Variants in PLXDC2 observed in about 807,000 individuals in gnomAD.
PLXDC2 encodes plexin domain-containing protein 2.
PLXDC2 carries 40 observed loss-of-function variants against 68.9 expected under a neutral mutation model. The ratio of observed to expected loss-of-function variants is 0.58; its 90% CI spans 0.45 to 0.76. The LOEUF (loss-of-function observed/expected upper bound fraction) is 0.76. PLXDC2 is among the 30% of genes least tolerant of loss of function. The pLI is 0.00. For missense variants in PLXDC2, 644 were observed against 661.9 expected (o/e 0.97, Z 0.30); for synonymous variants, 243 against 234.2 (o/e 1.04, Z -0.34).
intron 3 of PLXDC2, among the ~76,000 whole-genome samples, chr10:20,055,501 G>A (rs982561436): frequency 9.9e-5 from 15 of 151,974 alleles, no homozygotes; most frequent in African/African-American, 3.4e-4. Flanking sequence ...TTCTCTATTA[G>A]GCTATTATCT....
At chr10:19,974,107 C>T (rs72789634) in intron 1 of PLXDC2, among the ~76,000 whole-genome samples, 1 of 152,156 alleles carries the variant, frequency 6.6e-6, no homozygotes, top group African/African-American at 2.4e-5. Context: ...TGGAAAGCAA[C>T]TTTGATAGAG....
At position 20,245,502 on chromosome 10, in the gene PLXDC2, T is replaced by C. The variant is rs1305729310; in HGVS notation, c.1470T>C (p.Ile490=). 6.2e-7 allele frequency: 1 copy of C among 1,610,986 alleles called. No individual in the cohort carries two copies. Among genetic ancestry groups the C allele is most frequent in the Non-Finnish European group, 8.5e-7 (1 of 1,179,286 alleles). ...HPTSAASIFF[I]ERRPSRWPAM... is the part of the protein sequence containing the mutation. ...CATCAGCAGCCAGCATCTTCTTTAT[T>C]GAGGTAAGTGTTGAGTTTAACACAT... Residue 490 remains isoleucine, a synonymous_variant, in exon 13 of 14, where the codon ATT becomes ATC. Coordinates refer to ENST00000377252, the MANE Select transcript of PLXDC2 (RefSeq NM_032812.9).
intron 1 of PLXDC2, among the ~76,000 whole-genome samples, chr10:19,893,142 G>A (rs887813528): frequency 2.0e-5 from 3 of 152,068 alleles, no homozygotes; most frequent in African/African-American, 2.4e-5. Flanking sequence ...GTTGGGGGAC[G>A]CCTAGGTGTG....
intron 1 of PLXDC2, among the ~76,000 whole-genome samples, chr10:19,848,492 G>A (rs796832574): frequency 7.2e-5 from 11 of 152,224 alleles, no homozygotes; most frequent in African/African-American, 2.4e-4. Context: ...TGAATCTTAA[G>A]GATGTTTGTA....
chr10:20,194,621 T>G (rs1834813022), intron 9 of PLXDC2, among the ~76,000 whole-genome samples: 1 of 151,914 alleles, frequency 6.6e-6, no homozygotes, highest in African/African-American at 2.4e-5. Context: ...AATATCTTTT[T>G]TGAGGTAAAT....
intron 1 of PLXDC2, among the ~76,000 whole-genome samples, chr10:19,863,900 G>A (rs911057771): frequency 1.3e-5 from 2 of 152,100 alleles, no homozygotes; most frequent in East Asian, 3.8e-4. Flanking sequence ...TGAAATATAT[G>A]TTGGTCTCTA....
At chr10:20,177,612 T>C (rs1483586192) in intron 9 of PLXDC2, among the ~76,000 whole-genome samples, 1 of 151,594 alleles carries the variant, frequency 6.6e-6, no homozygotes, top group Non-Finnish European at 1.5e-5. Flanking sequence ...CAAAAAAGTT[T>C]TAACAAATTA....
intron 1 of PLXDC2, among the ~76,000 whole-genome samples, chr10:19,842,533 A>C (rs1314950084): frequency 6.6e-6 from 1 of 152,104 alleles, no homozygotes; most frequent in East Asian, 1.9e-4. Flanking sequence ...TACCCACTGA[A>C]ACCTTGATCA....
At chr10:20,183,357 A>T (rs1834633332) in intron 9 of PLXDC2, among the ~76,000 whole-genome samples, 1 of 151,978 alleles carries the variant, frequency 6.6e-6, no homozygotes, top group South Asian at 2.1e-4. Flanking sequence ...GCATGGCATC[A>T]TAAGGTATGA....
chr10:19,893,678 G>T (rs1838006339), intron 1 of PLXDC2, among the ~76,000 whole-genome samples: 1 of 152,226 alleles, frequency 6.6e-6, no homozygotes, highest in Non-Finnish European at 1.5e-5. Context: ...AGATGTGTAT[G>T]TAATAAATAA....
At chr10:19,995,168 C>A (rs887944627) in intron 1 of PLXDC2, among the ~76,000 whole-genome samples, 1 of 152,016 alleles carries the variant, frequency 6.6e-6, no homozygotes, top group African/African-American at 2.4e-5. Context: ...ATCAGTGGTC[C>A]CCAAGACTAC....
At chr10:20,044,629 A>G (rs947363100) in intron 2 of PLXDC2, among the ~76,000 whole-genome samples, 2 of 146,658 alleles carry the variant, frequency 1.4e-5, no homozygotes, top group Non-Finnish European at 2.9e-5. Flanking sequence ...TTCTTTAGCT[A>G]TGTGTTTGCC....
intron 1 of PLXDC2, among the ~76,000 whole-genome samples, chr10:19,966,720 A>G (rs917351756): frequency 1.3e-5 from 2 of 152,018 alleles, no homozygotes; most frequent in African/African-American, 4.8e-5. Flanking sequence ...CTGTAGTCCC[A>G]CCACACTAGG....
intron 4 of PLXDC2, among the ~76,000 whole-genome samples, chr10:20,120,649 T>C (rs1419786981): frequency 1.3e-5 from 2 of 152,128 alleles, no homozygotes; most frequent in Non-Finnish European, 2.9e-5. Flanking sequence ...ATTTTAGTTA[T>C]CTGACTCGGG....
At chr10:20,103,636 CT>C (rs907644469) in intron 4 of PLXDC2, among the ~76,000 whole-genome samples, 19 of 118,564 alleles carry the variant, frequency 1.6e-4, no homozygotes, top group East Asian at 1.3e-3. Context: ...CACATCTTTT[CT>C]TTTTTTTTTT....
rs1836125893 is a variant in PLXDC2 at position 20,284,483 on chromosome 10, G to C, written c.*4664G>C. 1 of 150,520 alleles carries C rather than the reference G, an allele frequency of 6.6e-6. No individual in the cohort carries two copies. The highest frequency in any genetic ancestry group is 1.5e-5 in the Non-Finnish European group (1 of 67,802). The allele number at this position is 150,520 out of a possible 1,614,324, so 9.3% of individuals were successfully genotyped here. On this transcript the variant is annotated 3_prime_UTR_variant, in exon 14 of 14. Coordinates refer to ENST00000377252, the MANE Select transcript of PLXDC2 (RefSeq NM_032812.9). ...TCATGCCTGTAGTCCCAGCTACTTT[G>C]GAGGCTGAAGTGTAAGAGTTGCTTG...
chr10:19,903,723 G>T, intron 1 of PLXDC2, among the ~76,000 whole-genome samples: 1 of 145,918 alleles, frequency 6.9e-6, no homozygotes, highest in Non-Finnish European at 1.5e-5. Context: ...TTTCTGGTGG[G>T]TTTAGGTTTG....
chr10:20,248,447 A>G (rs1384738077), intron 13 of PLXDC2, among the ~76,000 whole-genome samples: 1 of 152,202 alleles, frequency 6.6e-6, no homozygotes, highest in Non-Finnish European at 1.5e-5. Context: ...GGAATGACTT[A>G]TCCAAGGTCA....
At chr10:20,268,943 G>A (rs541679786) in intron 13 of PLXDC2, among the ~76,000 whole-genome samples, 1 of 152,248 alleles carries the variant, frequency 6.6e-6, no homozygotes, top group East Asian at 1.9e-4. Flanking sequence ...ACCACTTGTG[G>A]CAATGTGGCT....
Sources: allele counts gnomAD v4.1 joint callset (sites outside exome capture counted in the v4.1 genomes callset), GRCh38; gene constraint gnomAD v4.1.1; transcripts MANE v1.5; gene names NCBI Gene and HGNC (gene_info 2026-07-23, HGNC 2026-07-21).